The following ERI1 variants were observed in gnomAD, a reference collection of about 807,000 sequenced individuals.
ERI1 encodes the protein exoribonuclease 1.
ERI1 carries 39 observed loss-of-function variants against 39.7 expected under a neutral mutation model. The ratio of observed to expected loss-of-function variants is 0.98; its 90% CI spans 0.76 to 1.28. The LOEUF (loss-of-function observed/expected upper bound fraction) is 1.28, where lower values mean the gene tolerates loss of function less well. ERI1 is among the 50% of genes most tolerant of loss of function. The probability of loss-of-function intolerance (pLI) is 0.00; values close to 1 mark genes in which losing one functional copy is unlikely to be tolerated. For synonymous variants in ERI1, 204 were observed against 149.6 expected (o/e 1.36, Z -2.65); for missense variants, 581 against 416.9 (o/e 1.39, Z -3.43).
intron 3 of ERI1, among the ~76,000 whole-genome samples, chr8:9,097,033 C>T (rs1328984248): frequency 2.0e-5 from 3 of 151,946 alleles, no homozygotes; most frequent in Non-Finnish European, 2.9e-5. Flanking sequence ...AGGTCCCAAA[C>T]GAACCCATTC....
chr8:9,096,003 C>T (rs61648635), intron 3 of ERI1, among the ~76,000 whole-genome samples: 5,385 of 152,152 alleles, frequency 0.035, 286 homozygotes, highest in African/African-American at 0.12. Context: ...CATAGGCTGA[C>T]CTGAGGATCA....
At chr8:9,061,657 G>C (rs1035251816) in intron 3 of ERI1, among the ~76,000 whole-genome samples, 1 of 152,228 alleles carries the variant, frequency 6.6e-6, no homozygotes, top group Non-Finnish European at 1.5e-5. Flanking sequence ...GAAAGGAGTT[G>C]TTGTTTTGTA....
chr8:9,048,557 G>A (rs772755813), intron 3 of ERI1: 8 of 153,974 alleles, frequency 5.2e-5, no homozygotes, highest in Non-Finnish European at 1.2e-4. Flanking sequence ...CACTCTTCTG[G>A]TGGGGCCAGC....
intron 3 of ERI1, among the ~76,000 whole-genome samples, chr8:9,061,458 T>C (rs967760785): frequency 2.6e-5 from 4 of 152,146 alleles, no homozygotes; most frequent in African/African-American, 9.7e-5. Flanking sequence ...ATGAGAGGTG[T>C]AGAAAGTGAG....
rs1171435561 is a variant in ERI1, at chr8:9,030,053, A to G, written c.*19A>G. 3.7e-6 allele frequency: 6 copies of G among 1,610,300 alleles called. No individual in the cohort carries two copies. The highest frequency in any genetic ancestry group is 4.2e-6 in the Non-Finnish European group (5 of 1,176,898). ...AAAGTAACAACAGTTTTGTGTGTGG[A>G]TCATTCCAATTGAAGTTGCTATGAA... On this transcript the variant is annotated 3_prime_UTR_variant, in exon 7 of 7. Coordinates refer to ENST00000250263, the MANE Select transcript of ERI1 (RefSeq NM_153332.4).
intron 3 of ERI1, among the ~76,000 whole-genome samples, chr8:9,052,182 A>G (rs1237580802): frequency 6.6e-6 from 1 of 152,178 alleles, no homozygotes; most frequent in Non-Finnish European, 1.5e-5. Context: ...CTTGGGGCTT[A>G]TCCTCTATGG....
chr8:9,094,598 G>C lies in ERI1; in HGVS notation n.300-21750G>C, dbSNP rs138960461. 6.3e-3 allele frequency among the ~76,000 whole-genome samples: 953 copies of C among 152,258 alleles called. 3 individuals are homozygous for C. The highest frequency in any genetic ancestry group is 0.021 in the African/African-American group (861 of 41,536). Reference sequence around the variant, plus strand: ...CAGCAACCCAACTGCTCAGAACAAAGACCACATCTCCTTTTCTCTCTTCTC... The same window carrying C: ...CAGCAACCCAACTGCTCAGAACAAACACCACATCTCCTTTTCTCTCTTCTC... On this transcript the variant is annotated intron_variant and non_coding_transcript_variant, in intron 3 of 3. Coordinates refer to the ERI1 transcript ENST00000518663.
chr8:9,074,325 G>A (rs887230879), intron 3 of ERI1, among the ~76,000 whole-genome samples: 1 of 150,374 alleles, frequency 6.7e-6, no homozygotes, highest in Non-Finnish European at 1.5e-5. Context: ...TGGCCAGGCT[G>A]GACTTGAACT....
intron 3 of ERI1, among the ~76,000 whole-genome samples, chr8:9,045,926 G>C (rs558691752): frequency 1.3e-5 from 2 of 152,146 alleles, no homozygotes; most frequent in East Asian, 3.9e-4. Flanking sequence ...TGATCCACCT[G>C]CCTCAGCCTC....
chr8:9,067,406 G>GTGTGTGTC (rs1798913913), intron 3 of ERI1, among the ~76,000 whole-genome samples: 1 of 150,608 alleles, frequency 6.6e-6, no homozygotes, highest in African/African-American at 2.5e-5. Context: ...GTGTGTGTGT[G>GTGTGTGTC]TGTGTGTGTG....
chr8:9,003,250 G>A, intron 1 of ERI1, 79 bp downstream of exon 1: 1 of 880,020 alleles, frequency 1.1e-6, no homozygotes, highest in South Asian at 5.8e-5. Context: ...TTTCTTCTCA[G>A]GTGTCCCGCA....
intron 3 of ERI1, among the ~76,000 whole-genome samples, chr8:9,098,041 G>A (rs1235085230): frequency 6.6e-6 from 1 of 152,202 alleles, no homozygotes; most frequent in Admixed American, 6.5e-5. Flanking sequence ...AACATCGCAT[G>A]TTCTCACTCC....
intron 3 of ERI1, among the ~76,000 whole-genome samples, chr8:9,068,208 C>T (rs1321534489): frequency 1.3e-5 from 2 of 152,310 alleles, no homozygotes; most frequent in Middle Eastern, 6.8e-3. Flanking sequence ...TGACCTGAGA[C>T]TGTCTCAGAT....
intron 3 of ERI1, among the ~76,000 whole-genome samples, chr8:9,079,861 A>T (rs965220373): frequency 6.6e-6 from 1 of 151,904 alleles, no homozygotes; most frequent in Non-Finnish European, 1.5e-5. Context: ...TGTAGACACG[A>T]GGTTTTGCCA....
chr8:9,003,288 C>G, intron 1 of ERI1, 117 bp downstream of exon 1: 1 of 551,610 alleles, frequency 1.8e-6, no homozygotes, highest in East Asian at 3.5e-5. Flanking sequence ...CCCTTGGACC[C>G]CAGCCTCTTC....
intron 3 of ERI1, among the ~76,000 whole-genome samples, chr8:9,061,792 T>G (rs2953804): frequency 0.54 from 78,318 of 144,124 alleles, 23,302 homozygotes; most frequent in East Asian, 0.7. Flanking sequence ...AAGTAATGGG[T>G]GCTGTCCGTG....
In ERI1 at chr8:9,004,390, T is replaced by G. The variant is rs1585176383; in HGVS notation, c.108+1219T>G. 9.9e-6 allele frequency: 7 copies of G among 706,586 alleles called. No homozygotes were observed. The South Asian group carries it at 1.9e-4, about 20-fold the overall frequency. 43.8% of individuals were successfully genotyped at this position (706,586 alleles called of 1,614,324 possible). ...TTATATTTGAAAGTCTTGACACTTT[T>G]ACAGCTACTTAAGGCCTAGGTCTCT... On this transcript the variant is annotated intron_variant, in intron 1 of 6. Coordinates refer to ENST00000250263, the MANE Select transcript of ERI1 (RefSeq NM_153332.4).
chr8:9,049,105 G>A (rs1585260222), intron 3 of ERI1, among the ~76,000 whole-genome samples: 1 of 151,804 alleles, frequency 6.6e-6, no homozygotes, highest in African/African-American at 2.4e-5. Context: ...TTGGGAGGTC[G>A]AGGTGGGCGG....
Position 9,020,392 on chromosome 8 carries a change from C to T in ERI1, c.735C>T (p.Leu245=), listed in dbSNP as rs765286594. The change falls in exon 6 of 7, where the codon CTC becomes CTT. Residue 245 remains leucine, a synonymous_variant. Coordinates refer to ENST00000250263, the MANE Select transcript of ERI1 (RefSeq NM_153332.4). The part of the protein sequence containing the change: ...MSKFLNIQCQ[L]SRLKYPPFAK... ...AGTTCTTGAACATTCAGTGTCAACTCAGCAGGCTCAAATACCCTCCTTTTG... is the reference window on the plus strand; with the variant it reads ...AGTTCTTGAACATTCAGTGTCAACTTAGCAGGCTCAAATACCCTCCTTTTG... 6.2e-7 allele frequency: 1 copy of T among 1,606,918 alleles called. No individual in the cohort carries two copies. The highest frequency in any genetic ancestry group is 8.5e-7 in the Non-Finnish European group (1 of 1,177,338).
Sources: gnomAD v4.1 joint callset for allele counts (sites outside exome capture counted in the v4.1 genomes callset) on GRCh38, gnomAD v4.1.1 for gene constraint, MANE v1.5 for transcripts, NCBI Gene and HGNC (gene_info 2026-07-23, HGNC 2026-07-21) for gene names.